Variants in PPM1H observed in about 807,000 individuals in gnomAD.
PPM1H encodes protein phosphatase, Mg2+/Mn2+ dependent 1H, also known as protein phosphatase 1H.
In PPM1H, 27 loss-of-function variants were observed where a neutral mutation model predicts 54.9. The ratio of observed to expected loss-of-function variants is 0.49; its 90% CI spans 0.36 to 0.68. The LOEUF is 0.68. Among genes scored for constraint, PPM1H ranks in the 30% least tolerant of loss-of-function variants. The pLI is 0.00. For synonymous variants in PPM1H, 305 were observed against 270.8 expected, an observed-to-expected ratio of 1.13 and a Z score of -1.24; for missense variants, 596 against 667.8, an observed-to-expected ratio of 0.89 and a Z score of 1.19.
intron 4 of PPM1H, among the ~76,000 whole-genome samples, chr12:62,738,313 A>C (rs2120528948): frequency 6.6e-6 from 1 of 151,622 alleles, no homozygotes; most frequent in East Asian, 2.0e-4. Flanking sequence ...ATGTCTGAGA[A>C]TGTGTGGCCT....
chr12:62,892,138 C>T (rs1326715867), intron 1 of PPM1H, among the ~76,000 whole-genome samples: 1 of 152,170 alleles, frequency 6.6e-6, no homozygotes, highest in African/African-American at 2.4e-5. Flanking sequence ...TTTTAAAGCA[C>T]ACTGAGTTTT....
At chr12:62,653,527 G>A (rs1565745347) in intron 9 of PPM1H, among the ~76,000 whole-genome samples, 1 of 152,182 alleles carries the variant, frequency 6.6e-6, no homozygotes, top group African/African-American at 2.4e-5. Flanking sequence ...ATTTGCACAA[G>A]TTTAACTCTC....
intron 8 of PPM1H, among the ~76,000 whole-genome samples, chr12:62,678,818 G>A (rs968851612): frequency 1.3e-5 from 2 of 152,010 alleles, no homozygotes; most frequent in African/African-American, 4.8e-5. Context: ...AGCCTCCCAA[G>A]CAGCTGGGAT....
intron 1 of PPM1H, among the ~76,000 whole-genome samples, chr12:62,873,826 C>T (rs981941953): frequency 2.0e-5 from 3 of 152,068 alleles, no homozygotes; most frequent in African/African-American, 4.8e-5. Flanking sequence ...TTACAAATTA[C>T]GATAATTGCC....
chr12:62,788,459 C>A (rs1555196614), intron 3 of PPM1H, 121 bp from the exon 4 acceptor site: 2 of 629,968 alleles, frequency 3.2e-6, no homozygotes, highest in Non-Finnish European at 5.5e-6. Flanking sequence ...CTAGAAAAAT[C>A]TTTAGTGCTT....
intron 2 of PPM1H, among the ~76,000 whole-genome samples, chr12:62,824,152 T>C (rs1402541178): frequency 6.6e-6 from 1 of 152,100 alleles, no homozygotes; most frequent in African/African-American, 2.4e-5. Flanking sequence ...CATTCACAAT[T>C]GCTACAAAGA....
intron 5 of PPM1H, among the ~76,000 whole-genome samples, chr12:62,728,879 A>T (rs539787759): frequency 7.0e-4 from 106 of 152,170 alleles, no homozygotes; most frequent in Non-Finnish European, 1.3e-3. Flanking sequence ...TGGGGCTTTG[A>T]GGTTACTCAA....
rs754740224 is a variant in PPM1H, at chr12:62,648,556, C to A, written c.1478G>T (p.Arg493Leu). Residue 493 changes from arginine (R) to leucine (L), a missense_variant, in exon 10 of 10, where the codon CGA becomes CTA. Physicochemically the swap from Arg to Leu is moderately radical, Grantham distance 102. This residue lies in a region of PPM1H where 208 missense variants were observed against 259.5 expected (regional missense o/e 0.80). Coordinates refer to ENST00000228705, the MANE Select transcript of PPM1H (RefSeq NM_020700.2). The stretch of plus-strand genomic sequence containing the variant: ...AGAAATGTCGTCTCCTGAGCCCAGT[C>A]GGTCATTAGATATCCGCCATCCTCT... ...KDRGWRISND[R>L]LGSGDDISVY... 3.7e-6 allele frequency: 6 copies of A among 1,613,958 alleles called. No individual in the cohort carries two copies. Among genetic ancestry groups the A allele is most frequent in the Non-Finnish European group, 8.5e-7 (1 of 1,179,868 alleles).
At chr12:62,668,465 T>C (rs983127725) in intron 8 of PPM1H, among the ~76,000 whole-genome samples, 2 of 152,166 alleles carry the variant, frequency 1.3e-5, no homozygotes. Flanking sequence ...AACCTTCGCC[T>C]CCAGGGTTCA....
chr12:62,755,184 G>C, intron 4 of PPM1H: 1 of 581,580 alleles, frequency 1.7e-6, no homozygotes, highest in Non-Finnish European at 3.2e-6. Context: ...ACAGACAGCC[G>C]CCTCTTCTCT....
intron 4 of PPM1H, among the ~76,000 whole-genome samples, chr12:62,785,808 G>A (rs1365622955): frequency 6.6e-6 from 1 of 151,522 alleles, no homozygotes. Context: ...GGCTAGGTAG[G>A]TGGCTCTTTT....
intron 8 of PPM1H, among the ~76,000 whole-genome samples, chr12:62,674,761 C>G (rs181777046): frequency 6.6e-6 from 1 of 152,196 alleles, no homozygotes; most frequent in Admixed American, 6.5e-5. Context: ...ATGCCTTACA[C>G]GAAGAGGAAG....
chr12:62,894,230 A>AC (rs1870900913), intron 1 of PPM1H, among the ~76,000 whole-genome samples: 3 of 152,214 alleles, frequency 2.0e-5, no homozygotes, highest in Non-Finnish European at 4.4e-5. Flanking sequence ...GATGACGGGA[A>AC]TAACTTCCGT....
Position 62,644,374 on chromosome 12 carries a change from A to G in PPM1H, c.*4115T>C, listed in dbSNP as rs2075774256. 6.6e-6 allele frequency: 1 copy of G among 152,222 alleles called. No homozygotes were observed. The highest frequency in any genetic ancestry group is 6.5e-5 in the Admixed American group (1 of 15,288). 9.4% of individuals were successfully genotyped at this position (152,222 alleles called of 1,614,324 possible). On this transcript the variant is annotated 3_prime_UTR_variant, in exon 10 of 10. Coordinates refer to ENST00000228705, the MANE Select transcript of PPM1H (RefSeq NM_020700.2). ...ACCTCAGGACTCAGGAAACAAACACAAAATACTTGTGGGAGATCAGAAAAG... is the reference window on the plus strand; with the variant it reads ...ACCTCAGGACTCAGGAAACAAACACGAAATACTTGTGGGAGATCAGAAAAG...
intron 4 of PPM1H, chr12:62,756,319 C>G: frequency 1.9e-6 from 1 of 527,590 alleles, no homozygotes; most frequent in African/African-American, 1.9e-5. Context: ...ACTCAGTCCC[C>G]CACAACACTG....
chr12:62,830,477 G>T (rs186266763), intron 2 of PPM1H, among the ~76,000 whole-genome samples: 1 of 152,078 alleles, frequency 6.6e-6, no homozygotes, highest in African/African-American at 2.4e-5. Context: ...GGATGGTCTC[G>T]ATCTCCTGAC....
At chr12:62,693,031 C>T (rs181523399) in intron 7 of PPM1H, among the ~76,000 whole-genome samples, 1 of 151,850 alleles carries the variant, frequency 6.6e-6, no homozygotes, top group African/African-American at 2.4e-5. Context: ...ACTATCGTAT[C>T]GAATGCTGGA....
intron 5 of PPM1H, among the ~76,000 whole-genome samples, chr12:62,737,058 G>A (rs1444194707): frequency 6.6e-6 from 1 of 152,058 alleles, no homozygotes; most frequent in Non-Finnish European, 1.5e-5. Context: ...TGAAGTAGTG[G>A]CATGTCAGCA....
chr12:62,802,086 C>T lies in PPM1H; in HGVS notation c.486G>A (p.Ala162=), dbSNP rs1289565526. The T allele has an allele frequency of 1.2e-6, 2 of 1,611,026 alleles. No individual in the cohort carries two copies. Among genetic ancestry groups the T allele is most frequent in the Admixed American group, 1.7e-5 (1 of 59,790 alleles). The change falls in exon 3 of 10, where the codon GCG becomes GCA. Residue 162 remains alanine (A), a synonymous_variant. Coordinates refer to ENST00000228705, the MANE Select transcript of PPM1H (RefSeq NM_020700.2). The stretch of plus-strand genomic sequence containing the variant: ...TGATGTGGTGCTGCAGCAGGCGTGA[C>T]GCCACCACCGCGGCCCCGGACCCCG... ...GHAGSGAAVV[A]SRLLQHHITE... is the part of the protein sequence containing the mutation.
Sources: gnomAD v4.1 joint callset for allele counts (sites outside exome capture counted in the v4.1 genomes callset) on GRCh38, gnomAD v4.1.1 for gene constraint, gnomAD v4.1.1 regional missense constraint, MANE v1.5 for transcripts, NCBI Gene and HGNC (gene_info 2026-07-23, HGNC 2026-07-21) for gene names.